The following INTU variants were observed in gnomAD, a reference collection of about 807,000 sequenced individuals.
INTU encodes inturned planar cell polarity protein.
INTU carries 68 observed loss-of-function variants against 100.5 expected under a neutral mutation model. The ratio of observed to expected loss-of-function variants is 0.68; its 90% CI spans 0.56 to 0.83. The LOEUF is 0.83. INTU is among the 40% of genes least tolerant of loss of function. INTU has a pLI of 0.00. For synonymous variants in INTU, 357 were observed against 395.7 expected (o/e 0.90, Z 1.16); for missense variants, 1,071 against 1,114.7 (o/e 0.96, Z 0.56).
At chr4:127,698,570 A>G (rs889615378) in intron 8 of INTU, among the ~76,000 whole-genome samples, 2 of 152,236 alleles carry the variant, frequency 1.3e-5, no homozygotes, top group African/African-American at 4.8e-5. Context: ...GTTATTTTTA[A>G]CTTGGAAAAA....
intron 2 of INTU, among the ~76,000 whole-genome samples, chr4:127,654,124 G>A (rs920612110): frequency 1.3e-4 from 20 of 150,888 alleles, no homozygotes; most frequent in East Asian, 3.9e-4. Flanking sequence ...GTCTCTGCAC[G>A]TGAGATGGGT....
Position 127,708,818 on chromosome 4 carries a change from C to T in INTU, c.2369+150C>T, listed in dbSNP as rs536002536. 37 of 516,128 alleles carry T rather than the reference C, an allele frequency of 7.2e-5. 1 individual carries two copies. Among genetic ancestry groups the T allele is most frequent in the African/African-American group, 6.9e-4 (36 of 51,868 alleles). The allele number at this position is 516,128 out of a possible 1,614,324, so 32.0% of individuals were successfully genotyped here. Reference sequence around the variant, plus strand: ...TATCTGTGGTATTTCTTTAATATTTCATTACACATTTAGGAAAATGACCAT... The same window carrying T: ...TATCTGTGGTATTTCTTTAATATTTTATTACACATTTAGGAAAATGACCAT... On this transcript the variant is annotated intron_variant, in intron 13 of 15. Coordinates refer to ENST00000335251, the MANE Select transcript of INTU (RefSeq NM_015693.4).
chr4:127,643,716 T>C lies in INTU; in HGVS notation c.342T>C (p.Phe114=). 6.2e-7 allele frequency: 1 copy of C among 1,608,450 alleles called. No homozygotes were observed. The highest frequency in any genetic ancestry group is 2.2e-5 in the East Asian group (1 of 44,852). Residue 114 remains phenylalanine, a synonymous_variant, in exon 2 of 16, where the codon TTT becomes TTC. Transcript: ENST00000335251. ...RKKYEPKLKQ[F]TKILRRKRLL... ...AGTATGAACCCAAACTCAAGCAGTT[T>C]ACCAAAATTTTAAGAAGGAAAAGAC...
rs1308851314 is a variant in INTU, at chr4:127,714,874, C to G, written c.2717+781C>G. ...GATGGCTGAGTAGGTGAGACTGTGC[C>G]TGGCAAAATGTGAAACTGGTGGTGG... On this transcript the variant is annotated intron_variant, in intron 15 of 15. Coordinates refer to ENST00000335251, the MANE Select transcript of INTU (RefSeq NM_015693.4). 4.6e-5 allele frequency among the ~76,000 whole-genome samples: 7 copies of G among 152,086 alleles called. No individual in the cohort carries two copies. The South Asian group carries it at 1.5e-3, about 32-fold the overall frequency.
At chr4:127,648,472 G>A (rs1727689076) in intron 2 of INTU, among the ~76,000 whole-genome samples, 1 of 152,102 alleles carries the variant, frequency 6.6e-6, no homozygotes, top group East Asian at 1.9e-4. Flanking sequence ...TCTTTTTAGA[G>A]GTTTGTTAGA....
rs1354414855 is a variant in INTU, at chr4:127,655,766, T to C, written c.683-870T>C. Among the ~76,000 whole-genome samples the C allele has an allele frequency of 2.3e-3, 347 of 152,296 alleles. 1 individual carries two copies. The highest frequency in any genetic ancestry group is 7.2e-3 in the African/African-American group (298 of 41,566). On this transcript the variant is annotated intron_variant, in intron 2 of 15. Coordinates refer to ENST00000335251, the MANE Select transcript of INTU (RefSeq NM_015693.4). ...TGGGCTCCACCCAGTTGGAGCTTCCTGGCTGCTATGTTTACCTAAGCAAGC... is the reference window on the plus strand; with the variant it reads ...TGGGCTCCACCCAGTTGGAGCTTCCCGGCTGCTATGTTTACCTAAGCAAGC...
At position 127,720,689 on chromosome 4, in the gene INTU, A is replaced by C. The variant is rs554466123; in HGVS notation, c.*4253A>C. 6.6e-6 allele frequency: 1 copy of C among 152,294 alleles called. No homozygotes were observed. Among genetic ancestry groups the C allele is most frequent in the East Asian group, 1.9e-4 (1 of 5,180 alleles). The allele number at this position is 152,294 out of a possible 1,614,324, so 9.4% of individuals were successfully genotyped here. On this transcript the variant is annotated 3_prime_UTR_variant, in exon 16 of 16. Coordinates refer to ENST00000335251, the MANE Select transcript of INTU (RefSeq NM_015693.4). ...TATTAGGTGCATATATATTTAGGAT[A>C]GTTAGCTCTTCTTGTTGAATTGACC...
At position 127,720,254 on chromosome 4, in the gene INTU, G is replaced by C. The variant is rs1357963358; in HGVS notation, c.*3818G>C. ...CATTATTTACCCAGGAGTCATTCAG[G>C]AGCAGGTTGTTCAATTTCCACGTAG... On this transcript the variant is annotated 3_prime_UTR_variant, in exon 16 of 16. Transcript: ENST00000335251. 6.6e-6 allele frequency: 1 copy of C among 152,128 alleles called. No individual in the cohort carries two copies. The highest frequency in any genetic ancestry group is 1.5e-5 in the Non-Finnish European group (1 of 68,018). The allele number at this position is 152,128 out of a possible 1,614,324, so 9.4% of individuals were successfully genotyped here.
intron 6 of INTU, among the ~76,000 whole-genome samples, chr4:127,682,442 A>C (rs1440729742): frequency 6.6e-6 from 1 of 152,138 alleles, no homozygotes; most frequent in Non-Finnish European, 1.5e-5. Flanking sequence ...GGATGAGTTC[A>C]TGTCCTTTGT....
Position 127,716,603 on chromosome 4 carries a change from A to C in INTU, c.*167A>C. 2 of 372,478 alleles carry C rather than the reference A, an allele frequency of 5.4e-6. No individual in the cohort carries two copies. Among genetic ancestry groups the C allele is most frequent in the Non-Finnish European group, 9.6e-6 (2 of 208,502 alleles). The allele number at this position is 372,478 out of a possible 1,614,324, so 23.1% of individuals were successfully genotyped here. A position where few individuals can be genotyped will look rare whatever the true frequency, so the allele number is the denominator to read the frequency against. ...AATGCTGTTGGATTTGATACATTAAATCTTAATGTAATATTGTAAGACTTT... is the reference window on the plus strand; with the variant it reads ...AATGCTGTTGGATTTGATACATTAACTCTTAATGTAATATTGTAAGACTTT... On this transcript the variant is annotated 3_prime_UTR_variant, in exon 16 of 16. Transcript: ENST00000335251.
At chr4:127,659,342 T>G (rs1728372257) in intron 3 of INTU, among the ~76,000 whole-genome samples, 1 of 148,774 alleles carries the variant, frequency 6.7e-6, no homozygotes, top group South Asian at 2.1e-4. Context: ...AAGAGAGGAG[T>G]ATGGAAGGAA....
rs748260141 is a variant in INTU at position 127,710,895 on chromosome 4, AT to A, written c.2370-10del. ...TAAAATTTCTTTTTTCTTCTCTTTG[AT>A]TTTTTTTCTTTTTAAGACTGACATC... On this transcript the variant is annotated splice_polypyrimidine_tract_variant and intron_variant, in intron 13 of 15. Transcript: ENST00000335251. 27 of 1,406,862 alleles carry A rather than the reference AT, an allele frequency of 1.9e-5. No individual in the cohort carries two copies. The South Asian group carries it at 2.6e-4, about 14-fold the overall frequency. 87.1% of individuals were successfully genotyped at this position (1,406,862 alleles called of 1,614,324 possible).
Position 127,704,295 on chromosome 4 carries a change from G to A in INTU, c.1566+5G>A. 1 of 1,604,978 alleles carries A rather than the reference G, an allele frequency of 6.2e-7. No homozygotes were observed. Among genetic ancestry groups the A allele is most frequent in the Non-Finnish European group, 8.5e-7 (1 of 1,173,658 alleles). ...GGGTCTTCTCTATTTTACAAGGTAAGTTGAAGCTTGAAGTCTAAATGTCCA... is the reference window on the plus strand; with the variant it reads ...GGGTCTTCTCTATTTTACAAGGTAAATTGAAGCTTGAAGTCTAAATGTCCA... On this transcript the variant is annotated splice_donor_5th_base_variant and intron_variant, in intron 10 of 15. Coordinates refer to ENST00000335251, the MANE Select transcript of INTU (RefSeq NM_015693.4).
At chr4:127,639,770 A>G (rs982553811) in intron 1 of INTU, among the ~76,000 whole-genome samples, 1 of 152,176 alleles carries the variant, frequency 6.6e-6, no homozygotes, top group Non-Finnish European at 1.5e-5. Context: ...TTGTGATGAG[A>G]ACATTCAAAA....
In INTU at chr4:127,633,023, G is replaced by A; in HGVS notation, c.-12G>A. ...TTGAATTACTCCACTCGTAGCTATT[G>A]CATTCCTGACGATGGCCTCTGTGGC... On this transcript the variant is annotated 5_prime_UTR_variant, in exon 1 of 16. Transcript: ENST00000335251. 1.2e-6 allele frequency: 2 copies of A among 1,610,438 alleles called. No individual in the cohort carries two copies. The highest frequency in any genetic ancestry group is 4.5e-5 in the East Asian group (2 of 44,790).
chr4:127,706,447 A>T, intron 11 of INTU, 40 bp from the exon 12 acceptor site: 2 of 1,513,656 alleles, frequency 1.3e-6, no homozygotes, highest in Non-Finnish European at 1.8e-6. Context: ...AAATATTTTC[A>T]TGGTAGCTAA....
chr4:127,649,549 G>A (rs1727741028), intron 2 of INTU, among the ~76,000 whole-genome samples: 1 of 151,616 alleles, frequency 6.6e-6, no homozygotes, highest in Non-Finnish European at 1.5e-5. Flanking sequence ...TACCTGTTGA[G>A]CATCCCAAAT....
chr4:127,665,498 C>A (rs10034548), intron 4 of INTU, among the ~76,000 whole-genome samples: 5,764 of 151,956 alleles, frequency 0.038, 377 homozygotes, highest in African/African-American at 0.13. Flanking sequence ...ATGATGTCTT[C>A]TTTTACCTCT....
Position 127,724,908 on chromosome 4 carries a change from C to T in INTU, c.*8472C>T, listed in dbSNP as rs1731395653. ...TAAGCATTTAAGTTGCAAACCACTACATATTTGTCCCATTAGTGACTAGTG... is the reference window on the plus strand; with the variant it reads ...TAAGCATTTAAGTTGCAAACCACTATATATTTGTCCCATTAGTGACTAGTG... On this transcript the variant is annotated 3_prime_UTR_variant, in exon 16 of 16. Coordinates refer to ENST00000335251, the MANE Select transcript of INTU (RefSeq NM_015693.4). 6.6e-6 allele frequency: 1 copy of T among 152,116 alleles called. No homozygotes were observed. Among genetic ancestry groups the T allele is most frequent in the Non-Finnish European group, 1.5e-5 (1 of 68,022 alleles). The allele number at this position is 152,116 out of a possible 1,614,324, so 9.4% of individuals were successfully genotyped here. A position where few individuals can be genotyped will look rare whatever the true frequency, so the allele number is the denominator to read the frequency against.
Sources: gnomAD v4.1 joint callset for allele counts (sites outside exome capture counted in the v4.1 genomes callset) on GRCh38, gnomAD v4.1.1 for gene constraint, MANE v1.5 for transcripts, NCBI Gene and HGNC (gene_info 2026-07-23, HGNC 2026-07-21) for gene names.